ZFAND4: variants seen among roughly 807,000 people sequenced by gnomAD.
ZFAND4 encodes AN1-type zinc finger protein 4.
In ZFAND4, 43 loss-of-function variants were observed where a neutral mutation model predicts 64.4. That is an observed-to-expected ratio of 0.67 (90% CI 0.52 to 0.86). The LOEUF (loss-of-function observed/expected upper bound fraction) is 0.86. Among genes scored for constraint, ZFAND4 ranks in the 40% least tolerant of loss-of-function variants. The pLI is 0.00. For missense variants in ZFAND4, 929 were observed against 859.8 expected (o/e 1.08, Z -1.01); for synonymous variants, 296 against 305.7 (o/e 0.97, Z 0.33).
intron 6 of ZFAND4, among the ~76,000 whole-genome samples, chr10:45,630,821 T>C (rs2046156076): frequency 6.6e-6 from 1 of 151,578 alleles, no homozygotes; most frequent in Non-Finnish European, 1.5e-5. Flanking sequence ...GGTTGTATAT[T>C]AGACAAAGAA....
chr10:45,638,486 G>GA (rs904457872), intron 6 of ZFAND4, among the ~76,000 whole-genome samples: 5 of 150,088 alleles, frequency 3.3e-5, no homozygotes, highest in East Asian at 2.0e-4. Context: ...TCTCAAAAAA[G>GA]AAAAAAAACA....
chr10:45,630,226 T>C (rs1385847421), intron 6 of ZFAND4, among the ~76,000 whole-genome samples: 1 of 152,172 alleles, frequency 6.6e-6, no homozygotes. Flanking sequence ...TAAGTATCTT[T>C]TAGTATTTGC....
At chr10:45,647,186 G>A (rs2047439420) in intron 5 of ZFAND4, among the ~76,000 whole-genome samples, 1 of 152,148 alleles carries the variant, frequency 6.6e-6, no homozygotes. Context: ...TCATCAAAAG[G>A]GAGCTGAGGG....
chr10:45,635,216 A>AAAAAAAAAAAAAAAAAAAAAAC (rs2046501188), intron 6 of ZFAND4, among the ~76,000 whole-genome samples: 2 of 139,410 alleles, frequency 1.4e-5, no homozygotes, highest in African/African-American at 5.9e-5. Context: ...AAAAAAAACA[A>AAAAAAAAAAAAAAAAAAAAAAC]AAAAAAAACA....
At chr10:45,653,862 G>A (rs991213255) in intron 2 of ZFAND4, among the ~76,000 whole-genome samples, 9 of 152,186 alleles carry the variant, frequency 5.9e-5, no homozygotes, top group Non-Finnish European at 1.0e-4. Context: ...AAAGACACAT[G>A]CACTAGTATG....
rs1564639790 is a variant in ZFAND4 at position 45,667,458 on chromosome 10, C to CCTT, written c.-117-3617_-117-3616insAAG. Among the ~76,000 whole-genome samples, 24 of 90,620 alleles carry CCTT rather than the reference C, an allele frequency of 2.6e-4. 2 individuals are homozygous for CCTT. The highest frequency in any genetic ancestry group is 7.8e-3 in the Middle Eastern group (1 of 128). The allele number at this position is 90,620 out of a possible 152,430, so 59.5% of individuals were successfully genotyped here. On this transcript the variant is annotated intron_variant, in intron 1 of 9. Coordinates refer to ENST00000344646, the MANE Select transcript of ZFAND4 (RefSeq NM_174890.4). ...TTCTAATCTATATGCTCTTTTCTTT[C>CCTT]TTTTTTTTTTTTTTTTTTTTTTTGG... is the stretch of plus-strand genomic sequence containing the variant.
In ZFAND4 at chr10:45,626,775, G is replaced by C. The variant is rs2045862180; in HGVS notation, c.1048C>G (p.Gln350Glu). 4 of 1,614,030 alleles carry C rather than the reference G, an allele frequency of 2.5e-6. No homozygotes were observed. Among genetic ancestry groups the C allele is most frequent in the South Asian group, 1.1e-5 (1 of 91,092 alleles). The change falls in exon 7 of 10, where the codon CAG becomes GAG. Residue 350 changes from glutamine (Q) to glutamate (E), a missense_variant. Gln to Glu is a conservative substitution (Grantham distance 29). Coordinates refer to ENST00000344646, the MANE Select transcript of ZFAND4 (RefSeq NM_174890.4). ...TGGAGAACAGAGTCAGCAAGCTCCTGGTCATTTCCCAACTCCAAATGGGGT... is the reference window on the plus strand; with the variant it reads ...TGGAGAACAGAGTCAGCAAGCTCCTCGTCATTTCCCAACTCCAAATGGGGT... ...QIPHLELGND[Q>E]ELADSVLHLG...
At chr10:45,667,308 G>A (rs894600981) in intron 1 of ZFAND4, among the ~76,000 whole-genome samples, 22 of 151,924 alleles carry the variant, frequency 1.4e-4, no homozygotes, top group African/African-American at 5.3e-4. Context: ...TCTTGATCCT[G>A]TACACTGCAA....
chr10:45,656,949 C>T (rs760591081), intron 2 of ZFAND4, among the ~76,000 whole-genome samples: 2 of 151,924 alleles, frequency 1.3e-5, no homozygotes, highest in African/African-American at 2.4e-5. Context: ...GCTCCAGAAC[C>T]GTGAGAAATA....
intron 1 of ZFAND4, among the ~76,000 whole-genome samples, chr10:45,666,635 T>C (rs1363984661): frequency 6.6e-6 from 1 of 152,224 alleles, no homozygotes; most frequent in Non-Finnish European, 1.5e-5. Context: ...TTTCTAAAAA[T>C]TGTAGTTTTA....
At chr10:45,666,854 C>T (rs1041476042) in intron 1 of ZFAND4, among the ~76,000 whole-genome samples, 1 of 152,186 alleles carries the variant, frequency 6.6e-6, no homozygotes, top group African/African-American at 2.4e-5. Context: ...ACTCTTTATT[C>T]TGTTGATCTA....
chr10:45,643,212 G>A (rs893470571), intron 5 of ZFAND4, among the ~76,000 whole-genome samples: 37 of 150,914 alleles, frequency 2.5e-4, no homozygotes, highest in Non-Finnish European at 1.0e-4. Context: ...GAGCCACCAC[G>A]CCCGGCCTCA....
chr10:45,659,960 G>A (rs573636632), intron 2 of ZFAND4, among the ~76,000 whole-genome samples: 7 of 152,024 alleles, frequency 4.6e-5, no homozygotes, highest in South Asian at 4.2e-4. Context: ...GGCGGATCCC[G>A]AGGTCAGGAG....
At chr10:45,639,011 G>A (rs996316731) in intron 6 of ZFAND4, among the ~76,000 whole-genome samples, 20 of 152,068 alleles carry the variant, frequency 1.3e-4, no homozygotes, top group African/African-American at 4.8e-4. Context: ...TTTTAATTTG[G>A]GTTGTGTCTA....
At chr10:45,647,880 GTTTTTCCTCCTGA>G (rs1282500559) in intron 5 of ZFAND4, among the ~76,000 whole-genome samples, 1 of 152,060 alleles carries the variant, frequency 6.6e-6, no homozygotes, top group African/African-American at 2.4e-5. Context: ...TATATGTAGG[GTTTTTCCTCCTGA>G]TTTTAGAATA....
intron 5 of ZFAND4, among the ~76,000 whole-genome samples, chr10:45,644,617 A>G (rs1176035306): frequency 6.6e-6 from 1 of 152,242 alleles, no homozygotes; most frequent in Non-Finnish European, 1.5e-5. Flanking sequence ...TGAGAAAATA[A>G]AGTTGTTTAA....
chr10:45,662,012 C>T (rs1198916604), intron 2 of ZFAND4, among the ~76,000 whole-genome samples: 1 of 151,700 alleles, frequency 6.6e-6, no homozygotes, highest in Non-Finnish European at 1.5e-5. Context: ...GCCTAGAGGA[C>T]AGCCCCCACC....
At chr10:45,628,583 A>G (rs987360339) in intron 6 of ZFAND4, among the ~76,000 whole-genome samples, 1 of 152,208 alleles carries the variant, frequency 6.6e-6, no homozygotes, top group Non-Finnish European at 1.5e-5. Context: ...TGCTGGGATT[A>G]CAGGTGTGAG....
chr10:45,628,896 CAAAAAAAAAAAAAAA>C (rs74412113), intron 6 of ZFAND4, among the ~76,000 whole-genome samples: 6 of 45,470 alleles, frequency 1.3e-4, no homozygotes, highest in Non-Finnish European at 2.4e-4. Flanking sequence ...GGAGCTTCAC[CAAAAAAAAAAAAAAA>C]AAAAAAGGGA....
Sources: allele counts gnomAD v4.1 joint callset (sites outside exome capture counted in the v4.1 genomes callset), GRCh38; gene constraint gnomAD v4.1.1; transcripts MANE v1.5; gene names NCBI Gene and HGNC (gene_info 2026-07-23, HGNC 2026-07-21).